The following WNT4 variants were observed in gnomAD, a reference collection of about 807,000 sequenced individuals.
WNT4 encodes Wnt family member 4.
Under a neutral mutation model 34.5 loss-of-function variants are expected in WNT4, and 16 were observed. The observed-to-expected ratio is 0.46, with a 90% CI of 0.31 to 0.70. The LOEUF is 0.70. Ranked by LOEUF, WNT4 falls within the 30% of genes least tolerant of loss-of-function variation. The pLI is 0.04. For missense variants in WNT4, 379 were observed against 495.9 expected (o/e 0.76, Z 2.24); for synonymous variants, 200 against 211.9 (o/e 0.94, Z 0.49).
At position 22,134,258 on chromosome 1, in the gene WNT4, G is replaced by GGGAGGGGGAGCCGGAAGAAAAC. The variant is rs1646005122; in HGVS notation, c.78-4429_78-4408dup. ...CAGGGAGGAAGGAGGCCAAGTGGGT[G>GGGAGGGGGAGCCGGAAGAAAAC]GGAGGGGGAGCCGGAAGAAAACGGA... On this transcript the variant is annotated intron_variant, in intron 1 of 4. Coordinates refer to ENST00000290167, the MANE Select transcript of WNT4 (RefSeq NM_030761.5). This position sits in a 1 kb window ranked among gnomAD's most constrained non-coding sequence, Gnocchi z 4.1. Among the ~76,000 whole-genome samples the GGGAGGGGGAGCCGGAAGAAAAC allele has an allele frequency of 6.6e-6, 1 of 152,214 alleles. No individual in the cohort carries two copies. The highest frequency in any genetic ancestry group is 1.5e-5 in the Non-Finnish European group (1 of 68,034).
At position 22,142,385 on chromosome 1, in the gene WNT4, G is replaced by GCGGGGCAGCT. The variant is rs1646076583; in HGVS notation, c.77+460_77+461insAGCTGCCCCG. Among the ~76,000 whole-genome samples, 1 of 151,964 alleles carries GCGGGGCAGCT rather than the reference G, an allele frequency of 6.6e-6. No homozygotes were observed. The highest frequency in any genetic ancestry group is 1.5e-5 in the Non-Finnish European group (1 of 67,944). On this transcript the variant is annotated intron_variant, in intron 1 of 4. Coordinates refer to ENST00000290167, the MANE Select transcript of WNT4 (RefSeq NM_030761.5). The surrounding 1 kb of genome is among the most constrained non-coding windows in gnomAD (Gnocchi z 6.0). ...GCACGCCTCCAGCCCAGCCCGCAGC[G>GCGGGGCAGCT]CGGCGCAGCTCGGCGCAGCTCGGCG...
chr1:22,130,510 C>T (rs906522224), intron 1 of WNT4, among the ~76,000 whole-genome samples: 3 of 152,232 alleles, frequency 2.0e-5, no homozygotes, highest in Non-Finnish European at 4.4e-5. Context: ...TGCTCTCCCT[C>T]CCCCAGGGGC....
Position 22,119,123 on chromosome 1 carries a change from CAG to C in WNT4, c.*925_*926del, listed in dbSNP as rs55866536. Reference sequence around the variant, plus strand: ...AGGAACAGTGCTGTGAAAGGTGACTCAGGGGCATGACTGCAAAGGCACAGCCC... The same window carrying C: ...AGGAACAGTGCTGTGAAAGGTGACTCGGGCATGACTGCAAAGGCACAGCCC... On this transcript the variant is annotated 3_prime_UTR_variant, in exon 5 of 5. Coordinates refer to ENST00000290167, the MANE Select transcript of WNT4 (RefSeq NM_030761.5). 0.73 allele frequency: 108,662 copies of C among 148,902 alleles called. 39,362 individuals carry two copies. Among genetic ancestry groups the C allele is most frequent in the East Asian group, 0.87 (4,452 of 5,140 alleles). The allele number at this position is 148,902 out of a possible 1,614,324, so 9.2% of individuals were successfully genotyped here. A position where few individuals can be genotyped will look rare whatever the true frequency, so the allele number is the denominator to read the frequency against.
chr1:22,138,639 C>G (rs541156514), intron 1 of WNT4, among the ~76,000 whole-genome samples: 2 of 152,146 alleles, frequency 1.3e-5, no homozygotes, highest in African/African-American at 4.8e-5. Context: ...AATTCACTGC[C>G]CAGAGCCACG....
At chr1:22,125,198 C>G (rs1322838762) in intron 2 of WNT4, among the ~76,000 whole-genome samples, 1 of 152,174 alleles carries the variant, frequency 6.6e-6, no homozygotes, top group East Asian at 1.9e-4. Context: ...AGACCTCGCA[C>G]CTCTCTGCCT....
intron 2 of WNT4, among the ~76,000 whole-genome samples, chr1:22,122,459 GT>G (rs918931991): frequency 2.6e-5 from 4 of 152,128 alleles, no homozygotes; most frequent in African/African-American, 9.7e-5. Flanking sequence ...CTGAATGGAT[GT>G]TTTTATCCTC....
chr1:22,120,563 G>T (rs1226535563), intron 4 of WNT4, 46 bp from the exon 5 acceptor site: 3 of 1,562,544 alleles, frequency 1.9e-6, no homozygotes, highest in Non-Finnish European at 2.6e-6. Flanking sequence ...GATGGCAAGG[G>T]AAGGCAGGGG....
intron 1 of WNT4, among the ~76,000 whole-genome samples, chr1:22,131,315 T>C (rs1427470915): frequency 6.6e-6 from 1 of 152,260 alleles, no homozygotes; most frequent in East Asian, 1.9e-4. Flanking sequence ...TGAATCTGGC[T>C]GTGCATCGAA....
At chr1:22,130,459 G>A (rs1205325656) in intron 1 of WNT4, among the ~76,000 whole-genome samples, 1 of 152,232 alleles carries the variant, frequency 6.6e-6, no homozygotes, top group Non-Finnish European at 1.5e-5. Context: ...TGGTGGTGGC[G>A]AGAGTGGGCT....
Position 22,119,212 on chromosome 1 carries a change from G to GTT in WNT4, c.*837_*838insAA, listed in dbSNP as rs1326891509. The stretch of plus-strand genomic sequence containing the variant: ...CGTGTGTGTGTGTGTGTGTGTGTGT[G>GTT]TGTGTGTGTGTGTGTGTTTCAGTTT... On this transcript the variant is annotated 3_prime_UTR_variant, in exon 5 of 5. Transcript: ENST00000290167. The GTT allele has an allele frequency of 7.5e-6, 1 of 134,006 alleles. No homozygotes were observed. The highest frequency in any genetic ancestry group is 1.5e-5 in the Non-Finnish European group (1 of 65,212). The allele number at this position is 134,006 out of a possible 1,614,324, so 8.3% of individuals were successfully genotyped here. A position where few individuals can be genotyped will look rare whatever the true frequency, so the allele number is the denominator to read the frequency against.
chr1:22,133,506 C>A lies in WNT4; in HGVS notation c.78-3655G>T, dbSNP rs10917160. On this transcript the variant is annotated intron_variant, in intron 1 of 4. Coordinates refer to ENST00000290167, the MANE Select transcript of WNT4 (RefSeq NM_030761.5). ...AGGCTCAAAAATGGAGTGCACCAGC[C>A]CTTTCTAGGGGTGACAGAGAGCCAG... 9.4e-3 allele frequency among the ~76,000 whole-genome samples: 1,434 copies of A among 152,322 alleles called. 22 individuals carry two copies. Among genetic ancestry groups the A allele is most frequent in the African/African-American group, 0.033 (1,353 of 41,576 alleles).
At chr1:22,127,880 C>T (rs10917158) in intron 2 of WNT4, among the ~76,000 whole-genome samples, 4 of 152,084 alleles carry the variant, frequency 2.6e-5, no homozygotes, top group Non-Finnish European at 4.4e-5. Context: ...TGGGTGTTTG[C>T]GGTGGAGGAC....
At chr1:22,124,083 A>G (rs1258921918) in intron 2 of WNT4, among the ~76,000 whole-genome samples, 1 of 152,148 alleles carries the variant, frequency 6.6e-6, no homozygotes, top group Non-Finnish European at 1.5e-5. Context: ...CCCAGGCTGG[A>G]GCCCTGCTCG....
Position 22,139,398 on chromosome 1 carries a change from C to T in WNT4, c.77+3448G>A, listed in dbSNP as rs1022866721. On this transcript the variant is annotated intron_variant, in intron 1 of 4. Transcript: ENST00000290167. This position sits in a 1 kb window ranked among gnomAD's most constrained non-coding sequence, Gnocchi z 4.6. ...TTTTACAGATGAGAAACCCGAGGCTCGGAGAGGTTAATAACCTGTCCAAGG... is the reference window on the plus strand; with the variant it reads ...TTTTACAGATGAGAAACCCGAGGCTTGGAGAGGTTAATAACCTGTCCAAGG... Among the ~76,000 whole-genome samples the T allele has an allele frequency of 1.3e-5, 2 of 152,166 alleles. No individual in the cohort carries two copies. Among genetic ancestry groups the T allele is most frequent in the Admixed American group, 6.5e-5 (1 of 15,280 alleles).
In WNT4 at chr1:22,142,371, G is replaced by A. The variant is rs1407021346; in HGVS notation, c.77+475C>T. On this transcript the variant is annotated intron_variant, in intron 1 of 4. Coordinates refer to ENST00000290167, the MANE Select transcript of WNT4 (RefSeq NM_030761.5). This position sits in a 1 kb window ranked among gnomAD's most constrained non-coding sequence, Gnocchi z 6.0. ...AGAAACAGGTCCCTGCACGCCTCCA[G>A]CCCAGCCCGCAGCGCGGCGCAGCTC... Among the ~76,000 whole-genome samples, 5 of 150,478 alleles carry A rather than the reference G, an allele frequency of 3.3e-5. No homozygotes were observed. Among genetic ancestry groups the A allele is most frequent in the African/African-American group, 4.8e-5 (2 of 41,284 alleles).
At chr1:22,133,813 AG>A (rs984038040) in intron 1 of WNT4, among the ~76,000 whole-genome samples, 2 of 152,174 alleles carry the variant, frequency 1.3e-5, no homozygotes, top group Non-Finnish European at 2.9e-5. Context: ...TCCTCCCAGG[AG>A]GCCCTCCCCG....
rs1020443816 is a variant in WNT4, at chr1:22,119,075, G to A, written c.*975C>T. The A allele has an allele frequency of 6.5e-6, 1 of 152,800 alleles. No homozygotes were observed. The highest frequency in any genetic ancestry group is 1.5e-5 in the Non-Finnish European group (1 of 68,610). The allele number at this position is 152,800 out of a possible 1,614,324, so 9.5% of individuals were successfully genotyped here. A position where few individuals can be genotyped will look rare whatever the true frequency, so the allele number is the denominator to read the frequency against. The stretch of plus-strand genomic sequence containing the variant: ...CCCTCTCGCAGGTGTGTGTGTGTGT[G>A]TTTTCCTTTTTCAGTTTCATGGAGG... On this transcript the variant is annotated 3_prime_UTR_variant, in exon 5 of 5. Coordinates refer to ENST00000290167, the MANE Select transcript of WNT4 (RefSeq NM_030761.5).
intron 2 of WNT4, chr1:22,127,130 G>A: frequency 2.7e-6 from 1 of 376,400 alleles, no homozygotes; most frequent in Admixed American, 3.4e-5. Flanking sequence ...CCTTCTCCAG[G>A]TGTGACTGGC....
chr1:22,127,424 G>A (rs1435130444), intron 2 of WNT4: 1 of 533,298 alleles, frequency 1.9e-6, no homozygotes, highest in Admixed American at 1.9e-5. Context: ...CCTCTCCCCT[G>A]ACCTGCTTTC....
Sources: allele counts gnomAD v4.1 joint callset (sites outside exome capture counted in the v4.1 genomes callset), GRCh38; gene constraint gnomAD v4.1.1; non-coding constraint Gnocchi (gnomAD v3.1); transcripts MANE v1.5; gene names NCBI Gene and HGNC (gene_info 2026-07-23, HGNC 2026-07-21).